CKAP2L: variants seen among roughly 807,000 people sequenced by gnomAD.
CKAP2L encodes cytoskeleton associated protein 2L.
CKAP2L carries 42 observed loss-of-function variants against 65.7 expected under a neutral mutation model. The ratio of observed to expected loss-of-function variants is 0.64; its 90% CI spans 0.50 to 0.83. The LOEUF (loss-of-function observed/expected upper bound fraction) is 0.83, where lower values mean the gene tolerates loss of function less well. Among genes scored for constraint, CKAP2L ranks in the 40% least tolerant of loss-of-function variants. The pLI, the probability that CKAP2L is intolerant of heterozygous loss-of-function variation, is 0.00. For synonymous variants in CKAP2L, 325 were observed against 313.5 expected (o/e 1.04, Z -0.39); for missense variants, 908 against 871.0 (o/e 1.04, Z -0.53).
rs1390077970 is a variant in CKAP2L, at chr2:112,738,880, T to C, written c.2181A>G (p.Ile727Met). 6.2e-7 allele frequency: 1 copy of C among 1,613,992 alleles called. No homozygotes were observed. Among genetic ancestry groups the C allele is most frequent in the African/African-American group, 1.3e-5 (1 of 74,938 alleles). The stretch of plus-strand genomic sequence containing the variant: ...CAGGCAGCGCCTCATTTCTACGGAA[T>C]ATAAAACATTTTGTTTCTTCCACTT... ...LLEVEETKCF[I>M]FRRNEALPVT... The change falls in exon 9 of 9, where the codon ATA (isoleucine) becomes ATG (methionine). Residue 727 changes from isoleucine to methionine, a missense_variant. Ile to Met is a conservative substitution (Grantham distance 10). Coordinates refer to ENST00000302450, the MANE Select transcript of CKAP2L (RefSeq NM_152515.5).
Position 112,746,439 on chromosome 2 carries a change from G to C in CKAP2L, c.1739C>G (p.Ala580Gly). ...TFDVIGLYEE[A>G]IKNGATPIQE... ...ACTCACTGTTGCCCCATTTTTAATGGCCTCTTCATATAGCCCAATAACATC... is the reference window on the plus strand; with the variant it reads ...ACTCACTGTTGCCCCATTTTTAATGCCCTCTTCATATAGCCCAATAACATC... Residue 580 changes from alanine to glycine, a missense_variant, in exon 6 of 9, where the codon GCC becomes GGC. Transcript: ENST00000302450. 1 of 1,610,560 alleles carries C rather than the reference G, an allele frequency of 6.2e-7. No individual in the cohort carries two copies. The highest frequency in any genetic ancestry group is 8.5e-7 in the Non-Finnish European group (1 of 1,177,672).
rs1558753337 is a variant in CKAP2L at position 112,740,992 on chromosome 2, GAGTCAGA to G, written c.1831_1837del (p.Ser611LeufsTer2). 1 of 1,610,832 alleles carries G rather than the reference GAGTCAGA, an allele frequency of 6.2e-7. No homozygotes were observed. Among genetic ancestry groups the G allele is most frequent in the Non-Finnish European group, 8.5e-7 (1 of 1,177,354 alleles). On this transcript the variant is annotated frameshift_variant, in exon 8 of 9. Coordinates refer to ENST00000302450, the MANE Select transcript of CKAP2L (RefSeq NM_152515.5). LOFTEE classifies it high-confidence loss of function. ...TGTTATACTAGTTTCAGCAACTAAA[GAGTCAGA>G]AGTAATCCCTGTGTATGTAAGATCA...
At chr2:112,741,604 GTCTTC>G (rs1431297598) in intron 7 of CKAP2L, among the ~76,000 whole-genome samples, 3 of 152,186 alleles carry the variant, frequency 2.0e-5, no homozygotes, top group African/African-American at 4.8e-5. Context: ...ATGGATTCCT[GTCTTC>G]TCTTTTTATT....
Position 112,749,547 on chromosome 2 carries a change from T to C in CKAP2L, c.1602+2720A>G, listed in dbSNP as rs145034463. Among the ~76,000 whole-genome samples, 6 of 151,912 alleles carry C rather than the reference T, an allele frequency of 3.9e-5. 1 individual carries two copies. In the East Asian group the frequency reaches 1.2e-3, roughly 29 times the overall value. On this transcript the variant is annotated intron_variant, in intron 5 of 8. Transcript: ENST00000302450. ...ACAAAGAAAATTTCAACAAAATCCA[T>C]CAAGTAGAGTACACATAGGCCACAT... is the stretch of plus-strand genomic sequence containing the variant.
chr2:112,737,819 T>C lies in CKAP2L; in HGVS notation c.*1004A>G, dbSNP rs1424861593. Reference sequence around the variant, plus strand: ...ATCCTTAGACAAACTCCTAATTCTCTATGCAAAGCCATTATCATGGTTTTC... The same window carrying C: ...ATCCTTAGACAAACTCCTAATTCTCCATGCAAAGCCATTATCATGGTTTTC... On this transcript the variant is annotated 3_prime_UTR_variant, in exon 9 of 9. Coordinates refer to ENST00000302450, the MANE Select transcript of CKAP2L (RefSeq NM_152515.5). 1 of 152,202 alleles carries C rather than the reference T, an allele frequency of 6.6e-6. No homozygotes were observed. Among genetic ancestry groups the C allele is most frequent in the Non-Finnish European group, 1.5e-5 (1 of 68,040 alleles). 9.4% of individuals were successfully genotyped at this position (152,202 alleles called of 1,614,324 possible). A position where few individuals can be genotyped will look rare whatever the true frequency, so the allele number is the denominator to read the frequency against.
chr2:112,756,204 G>A lies in CKAP2L; in HGVS notation c.1167C>T (p.Ala389=). Residue 389 remains alanine, a synonymous_variant, in exon 4 of 9, where the codon GCC becomes GCT. Transcript: ENST00000302450. ...GTCTTATGCTAGGGGTGCTTGGAATGGCTGAATTAAATCTGCCAACTGTCA... is the reference window on the plus strand; with the variant it reads ...GTCTTATGCTAGGGGTGCTTGGAATAGCTGAATTAAATCTGCCAACTGTCA... ...PNLTVGRFNS[A]IPSTPSIRPN... is the part of the protein sequence containing the mutation. 6.2e-7 allele frequency: 1 copy of A among 1,614,140 alleles called. No homozygotes were observed. The highest frequency in any genetic ancestry group is 1.1e-5 in the South Asian group (1 of 91,078).
At chr2:112,741,056 T>C (rs771323983) in intron 7 of CKAP2L, 49 bp from the exon 8 acceptor site, 1 of 1,258,940 alleles carries the variant, frequency 7.9e-7, no homozygotes, top group Non-Finnish European at 1.1e-6. Context: ...AATTTAATAC[T>C]TCAACTAGAA....
At chr2:112,758,676 G>A (rs1214329627) in intron 3 of CKAP2L, among the ~76,000 whole-genome samples, 2 of 152,134 alleles carry the variant, frequency 1.3e-5, no homozygotes, top group Admixed American at 1.3e-4. Context: ...GAGGGACGTT[G>A]GCATGAAAGC....
chr2:112,752,593 G>A (rs1680406536), intron 4 of CKAP2L, 119 bp from the exon 5 acceptor site: 2 of 687,380 alleles, frequency 2.9e-6, no homozygotes, highest in Admixed American at 6.2e-5. Context: ...GACAAAATCA[G>A]GAGAATGGAA....
At chr2:112,743,805 G>T (rs1362155855) in intron 6 of CKAP2L, among the ~76,000 whole-genome samples, 1 of 151,486 alleles carries the variant, frequency 6.6e-6, no homozygotes, top group Admixed American at 6.6e-5. Context: ...TCTTTTATTT[G>T]TTAACATACT....
intron 5 of CKAP2L, among the ~76,000 whole-genome samples, chr2:112,749,676 G>A (rs1349454241): frequency 1.3e-5 from 2 of 152,114 alleles, no homozygotes; most frequent in African/African-American, 4.8e-5. Flanking sequence ...TTGGGTTAAA[G>A]AACTCAAAAT....
Position 112,755,974 on chromosome 2 carries a change from T to C in CKAP2L, c.1394+3A>G, listed in dbSNP as rs755770296. 2.3e-5 allele frequency: 36 copies of C among 1,551,204 alleles called. No individual in the cohort carries two copies. Among genetic ancestry groups the C allele is most frequent in the Non-Finnish European group, 3.1e-5 (36 of 1,153,820 alleles). On this transcript the variant is annotated splice_donor_region_variant and intron_variant, in intron 4 of 8. Transcript: ENST00000302450. ...GCAAAAGCTTAGAATTAAAGCAAAGTACCTTCGATCCTCTGCTGTTGCCTT... is the reference window on the plus strand; with the variant it reads ...GCAAAAGCTTAGAATTAAAGCAAAGCACCTTCGATCCTCTGCTGTTGCCTT...
At chr2:112,752,740 T>G (rs1680413062) in intron 4 of CKAP2L, among the ~76,000 whole-genome samples, 1 of 152,212 alleles carries the variant, frequency 6.6e-6, no homozygotes, top group African/African-American at 2.4e-5. Flanking sequence ...GCATTATTTT[T>G]CTCGGAAAGT....
intron 5 of CKAP2L, among the ~76,000 whole-genome samples, chr2:112,748,670 G>C (rs145315824): frequency 6.6e-6 from 1 of 152,230 alleles, no homozygotes; most frequent in African/African-American, 2.4e-5. Context: ...AGACCAGCCT[G>C]GGCAACACAG....
At chr2:112,762,756 G>C (rs1189806515) in intron 1 of CKAP2L, among the ~76,000 whole-genome samples, 187 bp from the exon 2 acceptor site, 1 of 151,740 alleles carries the variant, frequency 6.6e-6, no homozygotes, top group African/African-American at 2.4e-5. Context: ...TTATATGCCA[G>C]GCCTACACTA....
At position 112,740,912 on chromosome 2, in the gene CKAP2L, T is replaced by C. The variant is rs940241253; in HGVS notation, c.1918A>G (p.Lys640Glu). The change falls in exon 8 of 9, where the codon AAA becomes GAA. Residue 640 changes from lysine to glutamate, a missense_variant. By Grantham distance (56) the Lys-to-Glu change is moderately conservative. Coordinates refer to ENST00000302450, the MANE Select transcript of CKAP2L (RefSeq NM_152515.5). ...MESVKSCLSP[K>E]EREQVTATPR... The stretch of plus-strand genomic sequence containing the variant: ...GTCGCCGTGACTTGTTCCCTCTCTT[T>C]TGGAGAAAGACAAGACTTCACAGAT... 29 of 1,613,958 alleles carry C rather than the reference T, an allele frequency of 1.8e-5. No individual in the cohort carries two copies. Among genetic ancestry groups the C allele is most frequent in the African/African-American group, 5.3e-5 (4 of 74,916 alleles).
In CKAP2L at chr2:112,762,488, G is replaced by C. The variant is rs373323667; in HGVS notation, c.104+15C>G. 21 of 1,608,778 alleles carry C rather than the reference G, an allele frequency of 1.3e-5. No homozygotes were observed. Among genetic ancestry groups the C allele is most frequent in the Non-Finnish European group, 1.8e-5 (21 of 1,175,134 alleles). ...AGGCAACAAAACTTGCGTAACTGTG[G>C]ACAGATAAACTCACTTGGTGTTTTG... On this transcript the variant is annotated intron_variant, in intron 2 of 8. Coordinates refer to ENST00000302450, the MANE Select transcript of CKAP2L (RefSeq NM_152515.5).
At chr2:112,744,387 T>G (rs1302581062) in intron 6 of CKAP2L, among the ~76,000 whole-genome samples, 1 of 152,128 alleles carries the variant, frequency 6.6e-6, no homozygotes, top group African/African-American at 2.4e-5. Flanking sequence ...ACAGAAAGGC[T>G]AAGGAATGGG....
chr2:112,753,914 G>A (rs897857409), intron 4 of CKAP2L, among the ~76,000 whole-genome samples: 2 of 152,184 alleles, frequency 1.3e-5, no homozygotes, highest in East Asian at 1.9e-4. Context: ...CCATGAAGAC[G>A]CAATTACCTG....
Sources: gnomAD v4.1 joint callset for allele counts (sites outside exome capture counted in the v4.1 genomes callset) on GRCh38, gnomAD v4.1.1 for gene constraint, MANE v1.5 for transcripts, NCBI Gene and HGNC (gene_info 2026-07-23, HGNC 2026-07-21) for gene names.